The following CMYA5 variants were observed in gnomAD, a reference collection of about 807,000 sequenced individuals.
The protein encoded by CMYA5 is cardiomyopathy-associated protein 5.
A neutral mutation model predicts 318.9 loss-of-function variants in CMYA5; 246 were observed. The ratio of observed to expected loss-of-function variants is 0.77; its 90% confidence interval spans 0.70 to 0.86. CMYA5 has a LOEUF of 0.86. Ranked by LOEUF, CMYA5 falls within the 40% of genes least tolerant of loss-of-function variation. The pLI, the probability that CMYA5 is intolerant of heterozygous loss-of-function variation, is 0.00. For synonymous variants in CMYA5, 1,641 were observed against 1,729.5 expected, an observed-to-expected ratio of 0.95 and a Z score of 1.27; for missense variants, 4,589 against 4,678.2, an observed-to-expected ratio of 0.98 and a Z score of 0.56.
At chr5:79,791,424 A>T (rs1399566744) in intron 11 of CMYA5, among the ~76,000 whole-genome samples, 3 of 152,186 alleles carry the variant, frequency 2.0e-5, no homozygotes, top group African/African-American at 7.2e-5. Context: ...AACCCTCTTG[A>T]AAAGGCATAG....
At chr5:79,715,525 C>G (rs999628590) in intron 1 of CMYA5, among the ~76,000 whole-genome samples, 2 of 151,922 alleles carry the variant, frequency 1.3e-5, no homozygotes, top group African/African-American at 4.8e-5. Context: ...CTGACCTCGT[C>G]ATCCACCCGC....
Position 79,739,015 on chromosome 5 carries a change from T to A in CMYA5, c.10250T>A (p.Val3417Asp). ...GAAGAGAGGCTCCGTAATAGCCCTGTTCAGGATGAGTATGAATTTACAGAA... is the reference window on the plus strand; with the variant it reads ...GAAGAGAGGCTCCGTAATAGCCCTGATCAGGATGAGTATGAATTTACAGAA... ...PSEERLRNSP[V>D]QDEYEFTESL... Residue 3417 changes from valine to aspartate, a missense_variant, in exon 2 of 13, where the codon GTT becomes GAT. This residue lies in a region of CMYA5 where 2,431 missense variants were observed against 2,495.1 expected (regional missense o/e 0.97). Transcript: ENST00000446378. 6.2e-7 allele frequency: 1 copy of A among 1,613,918 alleles called. No homozygotes were observed. Among genetic ancestry groups the A allele is most frequent in the South Asian group, 1.1e-5 (1 of 91,082 alleles).
chr5:79,706,614 T>C (rs564686628), intron 1 of CMYA5, among the ~76,000 whole-genome samples: 43 of 152,254 alleles, frequency 2.8e-4, no homozygotes, highest in Middle Eastern at 3.4e-3. Context: ...TTATAGGCTC[T>C]CCACAAGGGT....
At chr5:79,718,075 G>A (rs1348943608) in intron 1 of CMYA5, among the ~76,000 whole-genome samples, 1 of 76,570 alleles carries the variant, frequency 1.3e-5, no homozygotes, top group Non-Finnish European at 2.4e-5. Flanking sequence ...TTTTAGTAGA[G>A]ACGGGGTTTC....
intron 2 of CMYA5, among the ~76,000 whole-genome samples, chr5:79,741,489 T>A (rs944101205): frequency 6.6e-6 from 1 of 152,220 alleles, no homozygotes; most frequent in East Asian, 1.9e-4. Flanking sequence ...TGGCATTTTT[T>A]AACTCCCAAA....
Position 79,793,589 on chromosome 5 carries a change from T to C in CMYA5, c.11942T>C (p.Met3981Thr). The change falls in exon 12 of 13, where the codon ATG becomes ACG. Residue 3981 changes from methionine to threonine, a missense_variant. Met to Thr is a moderately conservative substitution (Grantham distance 81). Transcript: ENST00000446378. Reference protein sequence around the residue: ...ALGQGETSWYMHCSEPQRYTF... With the variant: ...ALGQGETSWYTHCSEPQRYTF... ...GGACAAGGGGAGACCTCATGGTACA[T>C]GCACTGCTCTGAGCCACAGAGGTAA... 4.3e-6 allele frequency: 7 copies of C among 1,610,028 alleles called. No individual in the cohort carries two copies. Among genetic ancestry groups the C allele is most frequent in the Non-Finnish European group, 5.9e-6 (7 of 1,176,758 alleles).
intron 1 of CMYA5, among the ~76,000 whole-genome samples, chr5:79,692,281 TC>T (rs1287174786): frequency 6.6e-6 from 1 of 152,192 alleles, no homozygotes; most frequent in Non-Finnish European, 1.5e-5. Context: ...ACTCAGATGG[TC>T]GGGGGCTTAG....
chr5:79,731,587 A>G lies in CMYA5; in HGVS notation c.2822A>G (p.Asp941Gly). Residue 941 changes from aspartate to glycine, a missense_variant, in exon 2 of 13, where the codon GAC (aspartate) becomes GGC (glycine). Around this residue, in one of 3 missense-constraint regions of CMYA5, gnomAD observed 2,132 missense variants for 2,131.3 expected, o/e 1.00. Coordinates refer to ENST00000446378, the MANE Select transcript of CMYA5 (RefSeq NM_153610.5). ...AATTTATCAGAAGAAGATCAAGAAG[A>G]CATTGGACCTTTTTCTCCAGATTCT... ...PMNLSEEDQEDIGPFSPDSAF... is the reference protein window; with the variant it reads ...PMNLSEEDQEGIGPFSPDSAF... The G allele has an allele frequency of 1.2e-6, 2 of 1,613,028 alleles. No homozygotes were observed. The highest frequency in any genetic ancestry group is 1.7e-6 in the Non-Finnish European group (2 of 1,179,470).
intron 2 of CMYA5, among the ~76,000 whole-genome samples, chr5:79,739,679 CA>C (rs2151088895): frequency 6.6e-6 from 1 of 152,096 alleles, no homozygotes; most frequent in Admixed American, 6.6e-5. Context: ...CACACACACA[CA>C]CACACAAAAC....
At position 79,733,447 on chromosome 5, in the gene CMYA5, G is replaced by C. The variant is rs2151086002; in HGVS notation, c.4682G>C (p.Gly1561Ala). ...GCATCCAAACATATAATCCCAAAAG[G>C]CAAAGATGAGGAAACAGCAAGTTCA... ...SPASKHIIPK[G>A]KDEETASSSP... The change falls in exon 2 of 13, where the codon GGC becomes GCC. Residue 1561 changes from glycine to alanine, a missense_variant. Gly to Ala is a moderately conservative substitution (Grantham distance 60). Transcript: ENST00000446378. 1 of 1,613,830 alleles carries C rather than the reference G, an allele frequency of 6.2e-7. No individual in the cohort carries two copies. Among genetic ancestry groups the C allele is most frequent in the South Asian group, 1.1e-5 (1 of 91,076 alleles).
chr5:79,796,389 A>C (rs982630684), intron 12 of CMYA5, among the ~76,000 whole-genome samples: 1 of 151,870 alleles, frequency 6.6e-6, no homozygotes. Context: ...TCTTTTAGGC[A>C]CTAGAGATAC....
rs753235680 is a variant in CMYA5 at position 79,733,791 on chromosome 5, CT to C, written c.5028del (p.Arg1677GlyfsTer47). On this transcript the variant is annotated frameshift_variant, in exon 2 of 13. Coordinates refer to ENST00000446378, the MANE Select transcript of CMYA5 (RefSeq NM_153610.5). LOFTEE classifies it high-confidence loss of function. ...TGTTTTAGAAAAAGGCCCAGCTGAG[CT>C]TAGGAGCAGAGAAGGAAAAGAAGAA... ...DSVLEKGPAE[L>X]RSREGKEENR... is the part of the protein sequence containing the mutation. 6.2e-7 allele frequency: 1 copy of C among 1,613,596 alleles called. No homozygotes were observed. The highest frequency in any genetic ancestry group is 1.1e-5 in the South Asian group (1 of 91,030).
chr5:79,761,947 C>T lies in CMYA5; in HGVS notation c.11397C>T (p.Ile3799=). The T allele has an allele frequency of 1.9e-6, 3 of 1,612,902 alleles. No homozygotes were observed. The highest frequency in any genetic ancestry group is 1.1e-5 in the South Asian group (1 of 90,730). The stretch of plus-strand genomic sequence containing the variant: ...GTAGCCTGCCCAGTGAAAGGGCCAT[C>T]TTTAGGACAGGTAAGGAGATGGATG... ...TGCSLPSERA[I]FRTAPSTPVI... is the part of the protein sequence containing the mutation. Residue 3799 remains isoleucine (I), a synonymous_variant, in exon 8 of 13, where the codon ATC becomes ATT. Coordinates refer to ENST00000446378, the MANE Select transcript of CMYA5 (RefSeq NM_153610.5).
At chr5:79,777,031 TC>T (rs1688520549) in intron 9 of CMYA5, among the ~76,000 whole-genome samples, 1 of 152,152 alleles carries the variant, frequency 6.6e-6, no homozygotes, top group South Asian at 2.1e-4. Flanking sequence ...TTTTTTTCCA[TC>T]CCATACAAAT....
At chr5:79,787,761 G>T (rs1225372250) in intron 9 of CMYA5, among the ~76,000 whole-genome samples, 1 of 152,214 alleles carries the variant, frequency 6.6e-6, no homozygotes, top group Non-Finnish European at 1.5e-5. Flanking sequence ...TGTCCTTTTA[G>T]ACATGGGGTC....
Position 79,737,209 on chromosome 5 carries a change from T to C in CMYA5, c.8444T>C (p.Val2815Ala). Residue 2815 changes from valine (V) to alanine (A), a missense_variant, in exon 2 of 13, where the codon GTA becomes GCA. Transcript: ENST00000446378. ...ACACCGCCATATTTGCTGTCACCTG[T>C]AAAACCACAAACTCTTGCTTCAGGA... The part of the protein sequence containing the change: ...SETPPYLLSP[V>A]KPQTLASGAS... 6.2e-7 allele frequency: 1 copy of C among 1,613,638 alleles called. No homozygotes were observed. Among genetic ancestry groups the C allele is most frequent in the South Asian group, 1.1e-5 (1 of 91,060 alleles).
At chr5:79,719,314 T>C (rs567362112) in intron 1 of CMYA5, among the ~76,000 whole-genome samples, 1 of 152,334 alleles carries the variant, frequency 6.6e-6, no homozygotes, top group African/African-American at 2.4e-5. Context: ...CTCATGATTC[T>C]AATAACTTAA....
chr5:79,690,423 G>A (rs766120765), intron 1 of CMYA5, among the ~76,000 whole-genome samples: 1 of 152,172 alleles, frequency 6.6e-6, no homozygotes. Flanking sequence ...GTGGGGTGGA[G>A]GCGGTGAAGG....
intron 1 of CMYA5, among the ~76,000 whole-genome samples, chr5:79,693,624 T>A (rs1827013654): frequency 2.0e-5 from 3 of 152,202 alleles, no homozygotes; most frequent in Admixed American, 2.0e-4. Context: ...ATTATAGGCA[T>A]GAGCCACCGT....
Sources: gnomAD v4.1 joint callset for allele counts (sites outside exome capture counted in the v4.1 genomes callset) on GRCh38, gnomAD v4.1.1 for gene constraint, gnomAD v4.1.1 regional missense constraint, MANE v1.5 for transcripts, NCBI Gene and HGNC (gene_info 2026-07-23, HGNC 2026-07-21) for gene names.